CLCN5: variants seen among roughly 807,000 people sequenced by gnomAD.
The protein encoded by CLCN5 is H(+)/Cl(-) exchange transporter 5.
A neutral mutation model predicts 54.0 loss-of-function variants in CLCN5; 17 were observed. The ratio of observed to expected loss-of-function variants is 0.31; its 90% confidence interval spans 0.22 to 0.47. CLCN5 has a LOEUF of 0.47. CLCN5 is among the 20% of genes least tolerant of loss of function. The pLI is 1.00. For synonymous variants in CLCN5, 222 were observed against 233.0 expected (o/e 0.95, Z 0.43); for missense variants, 448 against 646.7 (o/e 0.69, Z 3.33).
At chrX:49,927,831 A>G (rs1043728361) in intron 3 of CLCN5, among the ~76,000 whole-genome samples, 1 of 112,700 alleles carries the variant, frequency 8.9e-6, no homozygotes, top group Non-Finnish European at 1.9e-5. Flanking sequence ...AGCCATAAAA[A>G]GAATGAAATC....
At position 50,088,718 on chromosome X, in the gene CLCN5, C is replaced by G; in HGVS notation, c.1578C>G (p.Ile526Met). Residue 526 changes from isoleucine (I) to methionine (M), a missense_variant, in exon 12 of 15, where the codon ATC becomes ATG. This residue lies in a region of CLCN5 where 297 missense variants were observed against 470.4 expected (regional missense o/e 0.63). Transcript: ENST00000376091. ...TGCAGATCCCTTCTGGCCTCTTTAT[C>G]CCTAGCATGGCTGTTGGTGCTATAG... ...FGMKIPSGLF[I>M]PSMAVGAIAG... The G allele has an allele frequency of 8.3e-7, 1 of 1,211,444 alleles. No individual in the cohort carries two copies. The highest frequency in any genetic ancestry group is 1.1e-6 in the Non-Finnish European group (1 of 895,116).
intron 3 of CLCN5, among the ~76,000 whole-genome samples, chrX:49,955,045 G>A (rs1364585795): frequency 9.0e-6 from 1 of 110,555 alleles, no homozygotes; most frequent in Non-Finnish European, 1.9e-5. Flanking sequence ...TTTAACTCTG[G>A]GATCTGTTAC....
At chrX:49,964,357 G>T (rs1927740735) in intron 3 of CLCN5, among the ~76,000 whole-genome samples, 1 of 112,084 alleles carries the variant, frequency 8.9e-6, no homozygotes, top group Non-Finnish European at 1.9e-5. Flanking sequence ...AGGATGAACT[G>T]TGTGCCAGGC....
chrX:49,954,181 AC>A (rs1927196965), intron 3 of CLCN5, among the ~76,000 whole-genome samples: 1 of 110,916 alleles, frequency 9.0e-6, no homozygotes, highest in Admixed American at 9.6e-5. Flanking sequence ...CACATATCTC[AC>A]CACAGAGCAA....
At chrX:50,060,400 G>A (rs1443295408) in intron 4 of CLCN5, among the ~76,000 whole-genome samples, 10 of 108,562 alleles carry the variant, frequency 9.2e-5, no homozygotes, top group African/African-American at 2.7e-4. Flanking sequence ...GGTGACGGAC[G>A]CACCTGGAAA....
chrX:50,041,091 G>C (rs1932200169), intron 3 of CLCN5, among the ~76,000 whole-genome samples: 2 of 111,970 alleles, frequency 1.8e-5, no homozygotes, highest in South Asian at 7.5e-4. Flanking sequence ...ACATGTACCT[G>C]GTAAATGTTG....
At chrX:50,081,912 G>A (rs978277370) in intron 9 of CLCN5, 65 bp downstream of exon 9, 10 of 1,008,737 alleles carry the variant, frequency 9.9e-6, no homozygotes, top group Non-Finnish European at 1.4e-5. Flanking sequence ...ATCTTAGGGG[G>A]TGAGAATTTG....
intron 3 of CLCN5, among the ~76,000 whole-genome samples, chrX:49,926,746 T>G (rs1035448025): frequency 4.5e-5 from 5 of 112,175 alleles, no homozygotes; most frequent in Non-Finnish European, 9.4e-5. Flanking sequence ...AGACAAAGAT[T>G]CTAAACAGGG....
chrX:49,996,951 C>A (rs1557179742), intron 3 of CLCN5, among the ~76,000 whole-genome samples: 1 of 111,841 alleles, frequency 8.9e-6, no homozygotes, highest in African/African-American at 3.3e-5. Context: ...TTCTCTACCT[C>A]CTCCTCCTCC....
In CLCN5 at chrX:50,026,612, T is replaced by C. The variant is rs187159107; in HGVS notation, c.17-15704T>C. On this transcript the variant is annotated intron_variant, in intron 3 of 14. Coordinates refer to ENST00000376091, the MANE Select transcript of CLCN5 (RefSeq NM_001127898.4). ...TAGAGTATTGACCCCTTTATCATTA[T>C]GCAGTACCCCTCTTTATCGCTGATA... is the stretch of plus-strand genomic sequence containing the variant. 5.0e-3 allele frequency among the ~76,000 whole-genome samples: 561 copies of C among 111,984 alleles called. 5 individuals are homozygous for C. The highest frequency in any genetic ancestry group is 7.4e-3 in the Non-Finnish European group (396 of 53,174).
intron 7 of CLCN5, among the ~76,000 whole-genome samples, chrX:50,077,812 CAAAAAAAAAAAAAAAAAAAAA>C (rs35768604): frequency 3.4e-3 from 77 of 22,333 alleles, no homozygotes; most frequent in Admixed American, 6.1e-3. Context: ...CCTGTCTCTA[CAAAAAAAAAAAAAAAAAAAAA>C]AAAAAAAAAA....
intron 3 of CLCN5, among the ~76,000 whole-genome samples, chrX:50,035,646 G>A (rs782036254): frequency 3.2e-4 from 36 of 112,421 alleles, no homozygotes; most frequent in African/African-American, 1.1e-3. Context: ...AGGGCAGCTT[G>A]CCTGAGCACA....
intron 3 of CLCN5, among the ~76,000 whole-genome samples, chrX:49,933,674 A>G (rs1925777603): frequency 1.8e-5 from 2 of 111,948 alleles, no homozygotes; most frequent in South Asian, 7.6e-4. Flanking sequence ...AAATGGGGTT[A>G]ATACTAATAC....
chrX:49,942,250 C>G (rs782538351), intron 3 of CLCN5, among the ~76,000 whole-genome samples: 1 of 97,640 alleles, frequency 1.0e-5, no homozygotes, highest in East Asian at 3.3e-4. Flanking sequence ...GGAAGTAAAG[C>G]AAAGAAATTT....
chrX:49,992,052 A>AT lies in CLCN5; in HGVS notation c.17-50257dup, dbSNP rs1487320279. Among the ~76,000 whole-genome samples the AT allele has an allele frequency of 8.1e-5, 9 of 110,991 alleles. No individual in the cohort carries two copies. The South Asian group carries it at 1.1e-3, about 14-fold the overall frequency. ...ATCTATAGGGTCTTTCAGTTCATTT[A>AT]TTTTTTTAAAAAGCTTTCCAGGTGT... On this transcript the variant is annotated intron_variant, in intron 3 of 14. Transcript: ENST00000376091.
chrX:50,042,868 C>T (rs1557187386), intron 4 of CLCN5, among the ~76,000 whole-genome samples: 2 of 111,857 alleles, frequency 1.8e-5, no homozygotes, highest in Non-Finnish European at 3.8e-5. Context: ...AGTAGGATCA[C>T]TTAGTCATAT....
chrX:50,076,103 A>C, intron 7 of CLCN5, 121 bp downstream of exon 7: 1 of 636,357 alleles, frequency 1.6e-6, no homozygotes, highest in African/African-American at 2.2e-5. Context: ...AGAAAGGGGA[A>C]CCAGTACCAG....
At chrX:49,957,531 C>T (rs1927391772) in intron 3 of CLCN5, among the ~76,000 whole-genome samples, 1 of 111,827 alleles carries the variant, frequency 8.9e-6, no homozygotes, top group Non-Finnish European at 1.9e-5. Context: ...CTACCTTTAT[C>T]TCCATTACCT....
intron 3 of CLCN5, among the ~76,000 whole-genome samples, chrX:49,967,443 CGCCCACTTTTTGATGGGGTT>C: frequency 1.2e-5 from 1 of 85,673 alleles, no homozygotes; most frequent in South Asian, 5.3e-4. Context: ...TCATGTCCTT[CGCCCACTTTTTGATGGGGTT>C]GTTTGTTTTT....
Sources: gnomAD v4.1 joint callset for allele counts (sites outside exome capture counted in the v4.1 genomes callset) on GRCh38, gnomAD v4.1.1 for gene constraint, gnomAD v4.1.1 regional missense constraint, MANE v1.5 for transcripts, NCBI Gene and HGNC (gene_info 2026-07-23, HGNC 2026-07-21) for gene names.